Variants in COBLL1 observed in about 807,000 individuals in gnomAD.
The protein encoded by COBLL1 is cordon-bleu protein-like 1.
A neutral mutation model predicts 94.8 loss-of-function variants in COBLL1; 50 were observed. That is an observed-to-expected ratio of 0.53 (90% CI 0.42 to 0.67). The LOEUF (loss-of-function observed/expected upper bound fraction) is 0.67, where lower values mean the gene tolerates loss of function less well. COBLL1 is among the 30% of genes least tolerant of loss of function. The pLI is 0.00. For synonymous variants in COBLL1, 448 were observed against 473.8 expected, an observed-to-expected ratio of 0.95 and a Z score of 0.71; for missense variants, 1,362 against 1,348.7, an observed-to-expected ratio of 1.01 and a Z score of -0.15.
downstream of COBLL1, among the ~76,000 whole-genome samples, chr2:164,677,662 ACT>A (rs998692297): frequency 3.3e-5 from 5 of 152,068 alleles, no homozygotes; most frequent in African/African-American, 1.2e-4. Flanking sequence ...CCTTGACCTG[ACT>A]CTCTACCCTT....
chr2:164,661,205 T>A (rs972912914), intron 2 of COBLL1, among the ~76,000 whole-genome samples: 2 of 151,624 alleles, frequency 1.3e-5, no homozygotes, highest in African/African-American at 4.8e-5. Context: ...TTTTGGAGAC[T>A]CTATAACTCA....
chr2:164,737,912 A>C (rs1686395835), intron 3 of COBLL1, among the ~76,000 whole-genome samples: 1 of 152,184 alleles, frequency 6.6e-6, no homozygotes, highest in South Asian at 2.1e-4. Flanking sequence ...CAGGTAAATC[A>C]GGCTGAAAAG....
At chr2:164,730,336 A>AAT (rs1553472479) in intron 3 of COBLL1, among the ~76,000 whole-genome samples, 2 of 151,336 alleles carry the variant, frequency 1.3e-5, no homozygotes, top group African/African-American at 2.4e-5. Flanking sequence ...CAAAAAATAA[A>AAT]AAAAAAAAAC....
In COBLL1 at chr2:164,680,848, T is replaced by C. The variant is rs1683008088; in HGVS notation, c.*5098A>G. The C allele has an allele frequency of 1.3e-5, 2 of 152,156 alleles. No homozygotes were observed. Among genetic ancestry groups the C allele is most frequent in the Admixed American group, 1.3e-4 (2 of 15,264 alleles). The allele number at this position is 152,156 out of a possible 1,614,324, so 9.4% of individuals were successfully genotyped here. ...TGTGAAATAGACAAATTTAATGACC[T>C]TCTGAAGGGGGTCTAGATGACTTTG... On this transcript the variant is annotated 3_prime_UTR_variant, in exon 14 of 14. Transcript: ENST00000652658.
chr2:164,813,401 A>G (rs1451353453), intron 2 of COBLL1, among the ~76,000 whole-genome samples: 2 of 152,112 alleles, frequency 1.3e-5, no homozygotes, highest in Admixed American at 6.5e-5. Flanking sequence ...GCTTCTCAGG[A>G]AAGACTTTTT....
At chr2:164,820,250 C>CAG in intron 2 of COBLL1, among the ~76,000 whole-genome samples, 1 of 152,152 alleles carries the variant, frequency 6.6e-6, no homozygotes, top group African/African-American at 2.4e-5. Context: ...GACAAGGTCT[C>CAG]ACTCTGTTGC....
chr2:164,803,288 G>T (rs982677315), intron 2 of COBLL1, among the ~76,000 whole-genome samples: 1 of 152,080 alleles, frequency 6.6e-6, no homozygotes, highest in Non-Finnish European at 1.5e-5. Context: ...AAGTTTGGCC[G>T]GGCGCGGTGG....
At position 164,722,234 on chromosome 2, in the gene COBLL1, T is replaced by C; in HGVS notation, c.837A>G (p.Pro279=). 6.2e-7 allele frequency: 1 copy of C among 1,614,046 alleles called. No homozygotes were observed. Among genetic ancestry groups the C allele is most frequent in the East Asian group, 2.2e-5 (1 of 44,850 alleles). ...CCGACGGCAGGGTGTTGGAAATATATGGTTTGGAAATGGTATTGGACCTTG... is the reference window on the plus strand; with the variant it reads ...CCGACGGCAGGGTGTTGGAAATATACGGTTTGGAAATGGTATTGGACCTTG... ...TFTRSNTISK[P]YISNTLPSDA... The change falls in exon 7 of 14, where the codon CCA becomes CCG. Residue 279 remains proline, a synonymous_variant. Transcript: ENST00000652658.
chr2:164,822,172 C>G (rs1423709536), intron 2 of COBLL1, among the ~76,000 whole-genome samples: 1 of 152,224 alleles, frequency 6.6e-6, no homozygotes, highest in Non-Finnish European at 1.5e-5. Context: ...TGTTCAATGT[C>G]TGAGCCAAGA....
At chr2:164,836,162 A>G (rs1027979477) in intron 2 of COBLL1, among the ~76,000 whole-genome samples, 2 of 152,096 alleles carry the variant, frequency 1.3e-5, no homozygotes, top group African/African-American at 4.8e-5. Flanking sequence ...TACTTTTGAA[A>G]TATTGTTATA....
chr2:164,730,246 G>T, intron 3 of COBLL1, 131 bp from the exon 4 acceptor site: 1 of 790,530 alleles, frequency 1.3e-6, no homozygotes, highest in Non-Finnish European at 2.0e-6. Flanking sequence ...TACAGGTCAA[G>T]CTACAGGCCA....
chr2:164,807,427 G>A, intron 2 of COBLL1, among the ~76,000 whole-genome samples: 1 of 150,248 alleles, frequency 6.7e-6, no homozygotes. Context: ...GACAGAGTCA[G>A]ACTTCGTCTC....
At chr2:164,715,179 C>T (rs1011604881) in intron 7 of COBLL1, among the ~76,000 whole-genome samples, 6 of 152,022 alleles carry the variant, frequency 3.9e-5, no homozygotes, top group African/African-American at 1.4e-4. Flanking sequence ...ACTACAGTGG[C>T]AAAGTATGTA....
chr2:164,811,351 A>G (rs2105339549), intron 2 of COBLL1, among the ~76,000 whole-genome samples: 1 of 152,098 alleles, frequency 6.6e-6, no homozygotes, highest in East Asian at 1.9e-4. Flanking sequence ...CAAAACTGGC[A>G]GAACTATAGG....
chr2:164,685,668 ATTAT>A lies in COBLL1; in HGVS notation c.*274_*277del, dbSNP rs1487311467. 3.9e-6 allele frequency: 1 copy of A among 256,504 alleles called. No homozygotes were observed. Among genetic ancestry groups the A allele is most frequent in the African/African-American group, 2.2e-5 (1 of 44,902 alleles). 15.9% of individuals were successfully genotyped at this position (256,504 alleles called of 1,614,324 possible). On this transcript the variant is annotated 3_prime_UTR_variant, in exon 14 of 14. Transcript: ENST00000652658. The stretch of plus-strand genomic sequence containing the variant: ...TGGTAAGTGAAATCAATACAAAGGA[ATTAT>A]TTTTCATTTGTAAAAAATGAAAATC...
intron 7 of COBLL1, among the ~76,000 whole-genome samples, chr2:164,718,921 G>T (rs3754954): frequency 0.63 from 95,707 of 151,584 alleles, 31,599 homozygotes; most frequent in African/African-American, 0.84. Context: ...CTATCAATGA[G>T]GAGGCATTAA....
chr2:164,750,197 T>C (rs1687060509), intron 2 of COBLL1, among the ~76,000 whole-genome samples: 1 of 152,234 alleles, frequency 6.6e-6, no homozygotes, highest in African/African-American at 2.4e-5. Flanking sequence ...AACAATCTCA[T>C]GGTTATCTCC....
Position 164,831,268 on chromosome 2 carries a change from A to C in COBLL1, c.41+9888T>G, listed in dbSNP as rs1002640209. Among the ~76,000 whole-genome samples the C allele has an allele frequency of 5.9e-5, 9 of 152,058 alleles. No homozygotes were observed. The South Asian group carries it at 8.3e-4, about 14-fold the overall frequency. Reference sequence around the variant, plus strand: ...ACCTGGGAGGCAGAGGTTACAGTGAACTGAGATCAAGCCACTGCACTTCAG... The same window carrying C: ...ACCTGGGAGGCAGAGGTTACAGTGACCTGAGATCAAGCCACTGCACTTCAG... On this transcript the variant is annotated intron_variant, in intron 2 of 13. Coordinates refer to ENST00000652658, the MANE Select transcript of COBLL1 (RefSeq NM_001365672.2).
intron 2 of COBLL1, among the ~76,000 whole-genome samples, chr2:164,814,593 ATCTT>A (rs1287574055): frequency 6.7e-6 from 1 of 149,188 alleles, no homozygotes; most frequent in African/African-American, 2.4e-5. Context: ...CCTTCTGCTA[ATCTT>A]TCTTTTTTCC....
Sources: gnomAD v4.1 joint callset for allele counts (sites outside exome capture counted in the v4.1 genomes callset) on GRCh38, gnomAD v4.1.1 for gene constraint, MANE v1.5 for transcripts, NCBI Gene and HGNC (gene_info 2026-07-23, HGNC 2026-07-21) for gene names.